EHD4: variants seen among roughly 807,000 people sequenced by gnomAD.
The protein encoded by EHD4 is EH domain containing 4.
Under a neutral mutation model 51.0 loss-of-function variants are expected in EHD4, and 37 were observed. The ratio of observed to expected loss-of-function variants is 0.73; its 90% CI spans 0.56 to 0.95. The LOEUF (loss-of-function observed/expected upper bound fraction) is 0.95. Ranked by LOEUF, EHD4 falls within the 40% of genes least tolerant of loss-of-function variation. The pLI is 0.00. For synonymous variants in EHD4, 297 were observed against 317.3 expected (o/e 0.94, Z 0.68); for missense variants, 632 against 733.1 (o/e 0.86, Z 1.59).
chr15:41,935,902 G>T (rs567108754), intron 3 of EHD4, among the ~76,000 whole-genome samples: 1 of 152,304 alleles, frequency 6.6e-6, no homozygotes, highest in African/African-American at 2.4e-5. Context: ...CTGGTTCTGT[G>T]ATGGCCCCTT....
intron 5 of EHD4, among the ~76,000 whole-genome samples, chr15:41,902,827 A>G (rs555943986): frequency 6.7e-4 from 76 of 113,710 alleles, no homozygotes; most frequent in Non-Finnish European, 7.8e-4. Context: ...ATGTATGTAT[A>G]TATATACATA....
At chr15:41,904,688 G>A (rs564367659) in intron 5 of EHD4, among the ~76,000 whole-genome samples, 10 of 152,314 alleles carry the variant, frequency 6.6e-5, no homozygotes, top group African/African-American at 2.4e-4. Flanking sequence ...AGCAGATGGG[G>A]CTGACTCTGC....
intron 1 of EHD4, among the ~76,000 whole-genome samples, chr15:41,954,924 C>G (rs981462061): frequency 1.3e-5 from 2 of 152,262 alleles, no homozygotes; most frequent in African/African-American, 4.8e-5. Flanking sequence ...GCCACCGCAA[C>G]TGGCCTAAAA....
At chr15:41,952,873 C>T (rs1405050083) in intron 2 of EHD4, among the ~76,000 whole-genome samples, 1 of 151,602 alleles carries the variant, frequency 6.6e-6, no homozygotes, top group Non-Finnish European at 1.5e-5. Context: ...GCCTGTAATC[C>T]CAGCTACTTG....
rs1247607153 is a variant in EHD4, at chr15:41,898,314, T to G, written c.*2331A>C. The G allele has an allele frequency of 6.6e-6, 1 of 152,258 alleles. No individual in the cohort carries two copies. Among genetic ancestry groups the G allele is most frequent in the Admixed American group, 6.5e-5 (1 of 15,286 alleles). The allele number at this position is 152,258 out of a possible 1,614,324, so 9.4% of individuals were successfully genotyped here. Reference sequence around the variant, plus strand: ...CAACCTGCTGCCCTCTAAAGCAGCTTTCTGTATCCAGACAAAACTTACATA... The same window carrying G: ...CAACCTGCTGCCCTCTAAAGCAGCTGTCTGTATCCAGACAAAACTTACATA... On this transcript the variant is annotated 3_prime_UTR_variant, in exon 6 of 6. Transcript: ENST00000220325.
intron 3 of EHD4, among the ~76,000 whole-genome samples, chr15:41,920,660 C>T (rs1414673099): frequency 1.3e-5 from 2 of 152,116 alleles, no homozygotes; most frequent in Non-Finnish European, 2.9e-5. Flanking sequence ...TGACACTTTG[C>T]TTTGTTTGCT....
intron 1 of EHD4, among the ~76,000 whole-genome samples, chr15:41,954,888 C>T (rs1343605321): frequency 6.6e-6 from 1 of 152,204 alleles, no homozygotes; most frequent in Non-Finnish European, 1.5e-5. Flanking sequence ...CCTTGGCCTC[C>T]CAAAGTACTG....
At chr15:41,945,623 A>C (rs1023793745) in intron 2 of EHD4, among the ~76,000 whole-genome samples, 4 of 152,208 alleles carry the variant, frequency 2.6e-5, no homozygotes, top group African/African-American at 4.8e-5. Context: ...GGCAGGCAAG[A>C]GAACAGAAAG....
intron 1 of EHD4, among the ~76,000 whole-genome samples, chr15:41,969,000 CCCCATTGTTCTAAT>C (rs1477799492): frequency 1.2e-4 from 19 of 152,272 alleles, no homozygotes; most frequent in African/African-American, 4.1e-4. Context: ...CTATAGTTTC[CCCCATTGTTCTAAT>C]AGTTTTTAAG....
intron 4 of EHD4, among the ~76,000 whole-genome samples, 184 bp downstream of exon 4, chr15:41,919,026 G>C (rs1023534085): frequency 2.2e-4 from 34 of 152,228 alleles, no homozygotes; most frequent in African/African-American, 8.0e-4. Flanking sequence ...ATCTGCCCAG[G>C]AGTGCAGAGC....
At chr15:41,910,427 A>G (rs1211900121) in intron 4 of EHD4, among the ~76,000 whole-genome samples, 2 of 152,194 alleles carry the variant, frequency 1.3e-5, no homozygotes, top group African/African-American at 4.8e-5. Flanking sequence ...AGGAGCCCAG[A>G]AGCCCCAGAA....
At chr15:41,907,870 GTATATA>G (rs66791242) in intron 5 of EHD4, among the ~76,000 whole-genome samples, 3 of 107,694 alleles carry the variant, frequency 2.8e-5, no homozygotes, top group South Asian at 3.4e-4. Context: ...GTGTGTGTGT[GTATATA>G]TTTATTTATT....
At chr15:41,962,621 G>C (rs531088901) in intron 1 of EHD4, among the ~76,000 whole-genome samples, 2 of 151,758 alleles carry the variant, frequency 1.3e-5, no homozygotes, top group Non-Finnish European at 2.9e-5. Flanking sequence ...TATTTAAAAA[G>C]TAATCCTATT....
chr15:41,946,560 C>T (rs1049547152), intron 2 of EHD4, among the ~76,000 whole-genome samples: 1 of 152,088 alleles, frequency 6.6e-6, no homozygotes, highest in East Asian at 1.9e-4. Context: ...GAGACTTCGT[C>T]TCTACAAAAA....
chr15:41,919,212 T>C lies in EHD4; in HGVS notation c.922A>G (p.Lys308Glu). 6.2e-7 allele frequency: 1 copy of C among 1,613,760 alleles called. No homozygotes were observed. Among genetic ancestry groups the C allele is most frequent in the Non-Finnish European group, 8.5e-7 (1 of 1,180,020 alleles). ...GTGCAAGGCATCTCCTGGCTTACCT[T>C]GGCCAGCCTCGCTCGCTTGATGAGG... Reference protein sequence around the residue: ...NDLIKRARLAKVHAYIISYLK... With the variant: ...NDLIKRARLAEVHAYIISYLK... The change falls in exon 4 of 6, where the codon AAG becomes GAG. Residue 308 changes from lysine (K) to glutamate (E), a missense_variant and splice_region_variant. By Grantham distance (56) the Lys-to-Glu change is moderately conservative. Transcript: ENST00000220325.
chr15:41,944,343 A>G (rs1233327002), intron 2 of EHD4, among the ~76,000 whole-genome samples: 1 of 152,224 alleles, frequency 6.6e-6, no homozygotes, highest in African/African-American at 2.4e-5. Flanking sequence ...TGCATGTTTA[A>G]GGCAGAAAGT....
chr15:41,906,608 T>C (rs1293633101), intron 5 of EHD4, among the ~76,000 whole-genome samples: 4 of 152,040 alleles, frequency 2.6e-5, no homozygotes, highest in Admixed American at 2.6e-4. Context: ...AGTGGTGGGG[T>C]CGAGCTGGAC....
intron 2 of EHD4, among the ~76,000 whole-genome samples, chr15:41,949,193 A>T (rs1330839272): frequency 6.6e-6 from 1 of 151,368 alleles, no homozygotes; most frequent in Non-Finnish European, 1.5e-5. Flanking sequence ...AACATGGTGA[A>T]ACCTCATCTC....
intron 4 of EHD4, among the ~76,000 whole-genome samples, chr15:41,917,259 T>C (rs995501721): frequency 2.0e-5 from 3 of 152,140 alleles, no homozygotes; most frequent in Non-Finnish European, 2.9e-5. Context: ...TAGCTGGGAT[T>C]ACAGGTGCCT....
Sources: allele counts gnomAD v4.1 joint callset (sites outside exome capture counted in the v4.1 genomes callset), GRCh38; gene constraint gnomAD v4.1.1; transcripts MANE v1.5; gene names NCBI Gene and HGNC (gene_info 2026-07-23, HGNC 2026-07-21).